LRRC37A2: variants seen among roughly 807,000 people sequenced by gnomAD.
The protein encoded by LRRC37A2 is leucine rich repeat containing 37 member A2.
A neutral mutation model predicts 68.8 loss-of-function variants in LRRC37A2; 9 were observed. That is an observed-to-expected ratio of 0.13 (90% confidence interval 0.08 to 0.23). The LOEUF is 0.23. Ranked by LOEUF, LRRC37A2 falls within the 10% of genes least tolerant of loss-of-function variation. The pLI is 1.00. For missense variants in LRRC37A2, 168 were observed against 950.4 expected, an observed-to-expected ratio of 0.18 and a Z score of 10.82; for synonymous variants, 63 against 367.6, an observed-to-expected ratio of 0.17 and a Z score of 9.48.
the LRRC37A2 span, among the ~76,000 whole-genome samples, chr17:46,778,942 C>G: frequency 1.3e-5 from 2 of 152,100 alleles, no homozygotes; most frequent in African/African-American, 2.4e-5. Context: ...CTTCTTATCC[C>G]AAAGTGCTGA....
chr17:46,766,216 C>T, the LRRC37A2 span, among the ~76,000 whole-genome samples: 2 of 152,136 alleles, frequency 1.3e-5, no homozygotes, highest in Non-Finnish European at 2.9e-5. Flanking sequence ...CAAGACCAGC[C>T]TGGCCAGCAT....
chr17:46,883,540 C>T, the LRRC37A2 span, among the ~76,000 whole-genome samples: 2 of 152,186 alleles, frequency 1.3e-5, no homozygotes, highest in South Asian at 4.1e-4. Flanking sequence ...CCATCTTGGC[C>T]TTCCAAAGTG....
chr17:46,542,948 G>T (rs1255708964), intron 8 of LRRC37A2, among the ~76,000 whole-genome samples: 2 of 149,786 alleles, frequency 1.3e-5, no homozygotes, highest in Non-Finnish European at 2.9e-5. Context: ...TCTTGACCAG[G>T]TTGTCAGATC....
chr17:46,857,240 G>A, the LRRC37A2 span, among the ~76,000 whole-genome samples: 44 of 152,104 alleles, frequency 2.9e-4, no homozygotes, highest in African/African-American at 1.0e-3. Context: ...AGGCCGAGAC[G>A]GGCAGATCAC....
chr17:47,005,140 G>GT, the LRRC37A2 span, among the ~76,000 whole-genome samples: 1 of 152,228 alleles, frequency 6.6e-6, no homozygotes, highest in South Asian at 2.1e-4. Context: ...AAGTAAATGT[G>GT]TAAGTCACGC....
the LRRC37A2 span, chr17:46,487,153 A>G: frequency 5.8e-6 from 4 of 693,114 alleles, 1 homozygote; most frequent in African/African-American, 9.0e-5. Flanking sequence ...GAGTATGCCC[A>G]TTGAGTGATA....
the LRRC37A2 span, among the ~76,000 whole-genome samples, chr17:46,914,650 C>CAAAAA: frequency 5.5e-5 from 4 of 72,496 alleles, no homozygotes; most frequent in Admixed American, 1.9e-4. Context: ...GACTCCACCT[C>CAAAAA]AAAAAAAAAA....
At chr17:47,000,076 AAAAATAAAATAAAAT>A in the LRRC37A2 span, among the ~76,000 whole-genome samples, 2,331 of 25,470 alleles carry the variant, frequency 0.092, 287 homozygotes, top group African/African-American at 0.11. Flanking sequence ...AAATAAAATA[AAAAATAAAATAAAAT>A]AAAATAAAAT....
chr17:46,919,664 C>T, the LRRC37A2 span, among the ~76,000 whole-genome samples: 1 of 152,056 alleles, frequency 6.6e-6, no homozygotes, highest in Admixed American at 6.6e-5. Flanking sequence ...TTAAGATTTC[C>T]TGGCCAGGCG....
the LRRC37A2 span, chr17:46,978,685 GGCCGGCGCTCCTGCAC>G: frequency 6.2e-7 from 1 of 1,610,792 alleles, no homozygotes; most frequent in African/African-American, 1.3e-5. Context: ...GTCCTTGGAG[GGCCGGCGCTCCTGCAC>G]CAGAAAGTTG....
the LRRC37A2 span, among the ~76,000 whole-genome samples, chr17:46,721,140 G>A: frequency 6.6e-6 from 1 of 152,172 alleles, no homozygotes; most frequent in East Asian, 1.9e-4. Context: ...CTCACGGAGT[G>A]CATGTGGCAC....
chr17:46,532,906 G>T (rs1459235548), intron 6 of LRRC37A2, among the ~76,000 whole-genome samples: 1 of 147,034 alleles, frequency 6.8e-6, no homozygotes, highest in African/African-American at 2.6e-5. Flanking sequence ...TTCGAGGCCA[G>T]CCAGGGCAAC....
chr17:46,392,218 T>TC, the LRRC37A2 span, among the ~76,000 whole-genome samples: 1 of 69,316 alleles, frequency 1.4e-5, no homozygotes, highest in Admixed American at 1.2e-4. Context: ...TTTTTCTTTT[T>TC]TTTTTTTTTT....
At chr17:46,610,114 TC>T in the LRRC37A2 span, among the ~76,000 whole-genome samples, 8 of 122,868 alleles carry the variant, frequency 6.5e-5, no homozygotes, top group African/African-American at 2.4e-4. Context: ...TCTCTCTCTC[TC>T]TCTCTCTCTC....
At chr17:46,981,549 G>A in the LRRC37A2 span, among the ~76,000 whole-genome samples, 36 of 152,288 alleles carry the variant, frequency 2.4e-4, no homozygotes, top group African/African-American at 8.4e-4. Context: ...CCTAGACTGT[G>A]AGAAATTAAT....
the LRRC37A2 span, among the ~76,000 whole-genome samples, chr17:46,933,875 A>G: frequency 6.6e-6 from 1 of 151,574 alleles, no homozygotes; most frequent in African/African-American, 2.4e-5. Flanking sequence ...CTGAGGTGAG[A>G]AGATCACTTA....
chr17:46,728,029 G>C, the LRRC37A2 span, among the ~76,000 whole-genome samples: 12 of 151,620 alleles, frequency 7.9e-5, no homozygotes, highest in Non-Finnish European at 1.5e-4. Flanking sequence ...CCCTCCCACT[G>C]TTCTCATCAG....
the LRRC37A2 span, among the ~76,000 whole-genome samples, chr17:46,638,708 G>A: frequency 7.1e-6 from 1 of 139,902 alleles, no homozygotes; most frequent in African/African-American, 2.9e-5. Context: ...TAGAGATGGG[G>A]TTTTGCCATG....
At chr17:46,916,044 G>C in the LRRC37A2 span, among the ~76,000 whole-genome samples, 1 of 152,182 alleles carries the variant, frequency 6.6e-6, no homozygotes, top group South Asian at 2.1e-4. Flanking sequence ...ACACAATAAT[G>C]AGAGTGGATG....
Sources: allele counts gnomAD v4.1 joint callset (sites outside exome capture counted in the v4.1 genomes callset), GRCh38; gene constraint gnomAD v4.1.1; transcripts MANE v1.5; gene names NCBI Gene and HGNC (gene_info 2026-07-23, HGNC 2026-07-21).